WDR72: variants seen among roughly 807,000 people sequenced by gnomAD.
WDR72 encodes WD repeat domain 72.
In WDR72, 120 loss-of-function variants were observed where a neutral mutation model predicts 124.2. The ratio of observed to expected loss-of-function variants is 0.97; its 90% CI spans 0.83 to 1.12. The LOEUF is 1.12. Among genes scored for constraint, WDR72 ranks in the 50% most tolerant of loss-of-function variants. The pLI is 0.00. For missense variants in WDR72, 1,387 were observed against 1,278.8 expected, an observed-to-expected ratio of 1.08 and a Z score of -1.29; for synonymous variants, 452 against 441.7, an observed-to-expected ratio of 1.02 and a Z score of -0.29.
At chr15:53,600,825 T>C (rs2013012458) in intron 17 of WDR72, among the ~76,000 whole-genome samples, 2 of 152,214 alleles carry the variant, frequency 1.3e-5, no homozygotes, top group Non-Finnish European at 2.9e-5. Flanking sequence ...TGTTAGATTA[T>C]AAAATCCAAA....
chr15:53,651,021 T>G (rs976496520), intron 14 of WDR72, among the ~76,000 whole-genome samples: 1 of 151,876 alleles, frequency 6.6e-6, no homozygotes, highest in Admixed American at 6.6e-5. Context: ...GTCAAGCTTC[T>G]TACTTTGGAT....
chr15:53,718,844 A>G (rs1279741631), intron 3 of WDR72, among the ~76,000 whole-genome samples: 2 of 136,732 alleles, frequency 1.5e-5, no homozygotes, highest in Non-Finnish European at 3.0e-5. Context: ...AATCTTAAGA[A>G]TTTTTAAAAG....
Position 53,733,131 on chromosome 15 carries a change from C to A in WDR72, c.19G>T (p.Ala7Ser). 2 of 1,613,944 alleles carry A rather than the reference C, an allele frequency of 1.2e-6. No individual in the cohort carries two copies. The highest frequency in any genetic ancestry group is 1.7e-6 in the Non-Finnish European group (2 of 1,179,940). ...GCCTTCTGTCCCCAGAGTGCCACTG[C>A]CTGCAGGGAAGTCCTCATTTTGGGC... MRTSLQ[A>S]VALWGQKAPP... The change falls in exon 2 of 20, where the codon GCA becomes TCA. Residue 7 changes from alanine to serine, a missense_variant. Coordinates refer to ENST00000360509, the MANE Select transcript of WDR72 (RefSeq NM_182758.4).
rs566323409 is a variant in WDR72 at position 53,661,240 on chromosome 15, A to G, written c.1962+4332T>C. ...CCTGATGCTGAGTAATATATAAGGA[A>G]AAGAGTTTTATTTGGCTCCTGATTC... On this transcript the variant is annotated intron_variant, in intron 14 of 19. Coordinates refer to ENST00000360509, the MANE Select transcript of WDR72 (RefSeq NM_182758.4). 2.6e-5 allele frequency among the ~76,000 whole-genome samples: 4 copies of G among 152,286 alleles called. No individual in the cohort carries two copies. In the East Asian group the frequency reaches 7.7e-4, roughly 29 times the overall value.
intron 14 of WDR72, among the ~76,000 whole-genome samples, chr15:53,646,572 G>C (rs546516): frequency 0.078 from 11,843 of 152,060 alleles, 1,539 homozygotes; most frequent in African/African-American, 0.27. Flanking sequence ...TTGTATTGAG[G>C]ACTGGTTAAC....
chr15:53,582,399 C>T (rs868190191), intron 18 of WDR72, among the ~76,000 whole-genome samples: 1 of 151,790 alleles, frequency 6.6e-6, no homozygotes, highest in South Asian at 2.1e-4. Flanking sequence ...GAATCCTATC[C>T]TTCATAATGT....
In WDR72 at chr15:53,670,801, C is replaced by T. The variant is rs566135530; in HGVS notation, c.1766-5033G>A. ...GAATGCTGTGCTATATGACAGCCCT[C>T]TTTGTCACACGAGAGAGGTCCTCAC... On this transcript the variant is annotated intron_variant, in intron 13 of 19. Transcript: ENST00000360509. Among the ~76,000 whole-genome samples, 3 of 152,276 alleles carry T rather than the reference C, an allele frequency of 2.0e-5. No homozygotes were observed. In the South Asian group the frequency reaches 6.2e-4, roughly 32 times the overall value.
intron 13 of WDR72, among the ~76,000 whole-genome samples, chr15:53,669,127 C>T (rs1260142799): frequency 1.3e-5 from 2 of 152,064 alleles, no homozygotes; most frequent in African/African-American, 4.8e-5. Flanking sequence ...TTAGTGTCTT[C>T]CCCAGTACAG....
At chr15:53,585,078 T>C (rs2012129840) in intron 18 of WDR72, among the ~76,000 whole-genome samples, 1 of 152,006 alleles carries the variant, frequency 6.6e-6, no homozygotes, top group Non-Finnish European at 1.5e-5. Context: ...CTCTCACCCC[T>C]ATGAATAAGG....
chr15:53,605,819 C>T (rs764072116), intron 17 of WDR72, among the ~76,000 whole-genome samples: 1 of 152,074 alleles, frequency 6.6e-6, no homozygotes, highest in African/African-American at 2.4e-5. Flanking sequence ...CATGCCACTG[C>T]ACTCCAGCCT....
At chr15:53,701,559 T>TCTCTCTCTCTCTCACACA (rs369568228) in intron 12 of WDR72, among the ~76,000 whole-genome samples, 3,757 of 119,966 alleles carry the variant, frequency 0.031, 123 homozygotes, top group East Asian at 0.11. Context: ...TCTCTCTCTC[T>TCTCTCTCTCTCTCACACA]CACACACACA....
chr15:53,623,166 G>A (rs934959584), intron 14 of WDR72, among the ~76,000 whole-genome samples: 5 of 151,760 alleles, frequency 3.3e-5, no homozygotes, highest in African/African-American at 4.8e-5. Context: ...TTAGATTCAG[G>A]GGCTACATCT....
chr15:53,694,609 C>T lies in WDR72; in HGVS notation c.1765+5141G>A, dbSNP rs531924887. Among the ~76,000 whole-genome samples, 9 of 152,304 alleles carry T rather than the reference C, an allele frequency of 5.9e-5. No homozygotes were observed. The South Asian group carries it at 1.2e-3, about 21-fold the overall frequency. On this transcript the variant is annotated intron_variant, in intron 13 of 19. Coordinates refer to ENST00000360509, the MANE Select transcript of WDR72 (RefSeq NM_182758.4). Reference sequence around the variant, plus strand: ...ACAGTCTCAAAAGGCTGACCTCCATCTGCAAGAGGTGTTTGCATTGCACGA... The same window carrying T: ...ACAGTCTCAAAAGGCTGACCTCCATTTGCAAGAGGTGTTTGCATTGCACGA...
intron 18 of WDR72, among the ~76,000 whole-genome samples, chr15:53,543,447 G>A (rs1193430263): frequency 2.0e-5 from 3 of 151,958 alleles, no homozygotes; most frequent in Admixed American, 6.6e-5. Context: ...TGAAACCAAC[G>A]AGAACAAAGA....
chr15:53,643,077 A>T (rs2014911792), intron 14 of WDR72, among the ~76,000 whole-genome samples: 1 of 152,132 alleles, frequency 6.6e-6, no homozygotes, highest in Non-Finnish European at 1.5e-5. Flanking sequence ...ATTCTAAAGT[A>T]GAAAATACCA....
At chr15:53,540,637 G>A (rs564855594) in intron 18 of WDR72, among the ~76,000 whole-genome samples, 1 of 151,944 alleles carries the variant, frequency 6.6e-6, no homozygotes, top group Non-Finnish European at 1.5e-5. Flanking sequence ...AAGAACAGGA[G>A]GAGCCAAGAT....
chr15:53,625,600 G>T (rs1272096052), intron 14 of WDR72, among the ~76,000 whole-genome samples: 1 of 152,160 alleles, frequency 6.6e-6, no homozygotes, highest in Non-Finnish European at 1.5e-5. Flanking sequence ...TTTGTCTGGA[G>T]TACAAAGACT....
chr15:53,664,818 T>C (rs1036235807), intron 14 of WDR72, among the ~76,000 whole-genome samples: 2 of 151,590 alleles, frequency 1.3e-5, no homozygotes, highest in African/African-American at 4.9e-5. Context: ...ACACACCACA[T>C]AGAGCATAAT....
At chr15:53,724,652 T>TCAC (rs1413957013) in intron 2 of WDR72, among the ~76,000 whole-genome samples, 8 of 152,120 alleles carry the variant, frequency 5.3e-5, no homozygotes, top group African/African-American at 1.9e-4. Context: ...CATGATCCAA[T>TCAC]CACCTCCCAC....
Sources: gnomAD v4.1 joint callset for allele counts (sites outside exome capture counted in the v4.1 genomes callset) on GRCh38, gnomAD v4.1.1 for gene constraint, MANE v1.5 for transcripts, NCBI Gene and HGNC (gene_info 2026-07-23, HGNC 2026-07-21) for gene names.